PXDN: variants seen among roughly 807,000 people sequenced by gnomAD.
PXDN encodes the protein peroxidasin homolog.
PXDN carries 77 observed loss-of-function variants against 140.3 expected under a neutral mutation model. The ratio of observed to expected loss-of-function variants is 0.55; its 90% CI spans 0.46 to 0.66. PXDN has a LOEUF of 0.66. Ranked by LOEUF, PXDN falls within the 30% of genes least tolerant of loss-of-function variation. The pLI is 0.00. For missense variants in PXDN, 1,838 were observed against 2,039.5 expected, an observed-to-expected ratio of 0.90 and a Z score of 1.90; for synonymous variants, 911 against 857.4, an observed-to-expected ratio of 1.06 and a Z score of -1.09.
intron 1 of PXDN, among the ~76,000 whole-genome samples, chr2:1,722,997 G>C (rs1334756324): frequency 6.6e-6 from 1 of 152,220 alleles, no homozygotes; most frequent in Non-Finnish European, 1.5e-5. Context: ...TGGATGGATA[G>C]ATAGGTGGGT....
At chr2:1,673,919 G>A (rs1041035737) in intron 8 of PXDN, 107 bp from the exon 9 acceptor site, 14 of 1,230,424 alleles carry the variant, frequency 1.1e-5, no homozygotes, top group East Asian at 4.9e-5. Flanking sequence ...CAACTTGTGC[G>A]AGGAACAGCT....
At chr2:1,737,955 C>T (rs1685457289) in intron 1 of PXDN, among the ~76,000 whole-genome samples, 1 of 152,216 alleles carries the variant, frequency 6.6e-6, no homozygotes, top group African/African-American at 2.4e-5. Context: ...AAGAAGCATG[C>T]AGCCACCCAC....
rs11685976 is a variant in PXDN, at chr2:1,648,070, C to A, written c.3608+102G>T. On this transcript the variant is annotated intron_variant, in intron 17 of 22. Coordinates refer to ENST00000252804, the MANE Select transcript of PXDN (RefSeq NM_012293.3). This position sits in a 1 kb window ranked among gnomAD's most constrained non-coding sequence, Gnocchi z 8.9. Reference sequence around the variant, plus strand: ...ACCTTCATCTCACCTCTGCACGACACGAACAAAACTCACACACAGAGACAA... The same window carrying A: ...ACCTTCATCTCACCTCTGCACGACAAGAACAAAACTCACACACAGAGACAA... 420,072 of 1,451,476 alleles carry A rather than the reference C, an allele frequency of 0.29. 62,546 individuals are homozygous for A. Among genetic ancestry groups the A allele is most frequent in the Middle Eastern group, 0.34 (1,865 of 5,510 alleles). The allele number at this position is 1,451,476 out of a possible 1,614,324, so 89.9% of individuals were successfully genotyped here.
chr2:1,648,328 G>A lies in PXDN; in HGVS notation c.3452C>T (p.Ala1151Val). 1.2e-6 allele frequency: 2 copies of A among 1,613,856 alleles called. No homozygotes were observed. The highest frequency in any genetic ancestry group is 1.7e-6 in the Non-Finnish European group (2 of 1,179,904). ...GATGTTGATGGCCGCCAGGTCCAGA[G>A]CCACCGTGTGTGCCATGGAGAACAG... ...ERLFSMAHTV[A>V]LDLAAINIQR... Residue 1151 changes from alanine to valine, a missense_variant, in exon 17 of 23, where the codon GCT becomes GTT. Transcript: ENST00000252804. This position sits in a 1 kb window ranked among gnomAD's most constrained non-coding sequence, Gnocchi z 8.9.
rs373265335 is a variant in PXDN at position 1,649,395 on chromosome 2, C to T, written c.2385G>A (p.Pro795=). 1.7e-4 allele frequency: 269 copies of T among 1,613,854 alleles called. No homozygotes were observed. The African/African-American group carries it at 2.3e-3, about 14-fold the overall frequency. The part of the protein sequence containing the change: ...RLYNGHALPM[P]RLVSTTLIGT... Reference sequence around the variant, plus strand: ...CGATCAGGGTGGTGGACACCAGGCGCGGCATGGGAAGGGCGTGCCCGTTGT... The same window carrying T: ...CGATCAGGGTGGTGGACACCAGGCGTGGCATGGGAAGGGCGTGCCCGTTGT... Residue 795 remains proline (P), a synonymous_variant, in exon 17 of 23, where the codon CCG becomes CCA. Transcript: ENST00000252804. The surrounding 1 kb of genome is among the most constrained non-coding windows in gnomAD (Gnocchi z 7.1).
intron 1 of PXDN, among the ~76,000 whole-genome samples, chr2:1,700,947 T>C (rs545030002): frequency 1.3e-5 from 2 of 152,146 alleles, no homozygotes; most frequent in East Asian, 3.9e-4. Flanking sequence ...ATATGCAAAG[T>C]GCTTTACTGA....
chr2:1,729,429 C>T (rs564820096), intron 1 of PXDN, among the ~76,000 whole-genome samples: 111 of 152,266 alleles, frequency 7.3e-4, no homozygotes, highest in Non-Finnish European at 1.4e-3. Flanking sequence ...CACCACTGCT[C>T]AGCTACAGAG....
chr2:1,730,044 T>C (rs956982367), intron 1 of PXDN, among the ~76,000 whole-genome samples: 2 of 151,706 alleles, frequency 1.3e-5, no homozygotes, highest in African/African-American at 2.4e-5. Flanking sequence ...GACAGATAAA[T>C]ATTAACAGGT....
intron 9 of PXDN, among the ~76,000 whole-genome samples, chr2:1,671,788 G>T (rs1354222702): frequency 2.6e-5 from 4 of 152,062 alleles, no homozygotes. Context: ...TCTGTAAAGG[G>T]CCAGATTGGT....
chr2:1,727,240 C>G (rs1457081029), intron 1 of PXDN, among the ~76,000 whole-genome samples: 3 of 152,214 alleles, frequency 2.0e-5, no homozygotes, highest in African/African-American at 7.2e-5. Context: ...ACAGCCATCC[C>G]AAGTCCCTCC....
chr2:1,730,760 CA>C (rs1211554225), intron 1 of PXDN, among the ~76,000 whole-genome samples: 1 of 151,992 alleles, frequency 6.6e-6, no homozygotes, highest in Non-Finnish European at 1.5e-5. Context: ...AGGTCAAACC[CA>C]AATCTGTCCC....
chr2:1,743,069 T>C (rs2125499373), intron 1 of PXDN, among the ~76,000 whole-genome samples: 1 of 152,316 alleles, frequency 6.6e-6, no homozygotes, highest in South Asian at 2.1e-4. Context: ...AGTCGGCGCC[T>C]GAAACGCAGC....
chr2:1,716,461 A>C (rs1413516520), intron 1 of PXDN, among the ~76,000 whole-genome samples: 1 of 145,282 alleles, frequency 6.9e-6, no homozygotes, highest in South Asian at 2.1e-4. Context: ...AAAAAAAAAA[A>C]AAAAAAAAAC....
At position 1,634,306 on chromosome 2, in the gene PXDN, G is replaced by C; in HGVS notation, c.4338C>G (p.Cys1446Trp). 1.9e-6 allele frequency: 3 copies of C among 1,595,200 alleles called. No individual in the cohort carries two copies. Among genetic ancestry groups the C allele is most frequent in the Non-Finnish European group, 2.6e-6 (3 of 1,170,756 alleles). Residue 1446 changes from cysteine (C) to tryptophan (W), a missense_variant, in exon 23 of 23, where the codon TGC (cysteine) becomes TGG (tryptophan). Around this residue, in one of 5 missense-constraint regions of PXDN, gnomAD observed 850 missense variants for 894.1 expected, o/e 0.95. Coordinates refer to ENST00000252804, the MANE Select transcript of PXDN (RefSeq NM_012293.3). Reference sequence around the variant, plus strand: ...TGGCAGGGGGGCAAGCTTCCACGAAGCAGGTGACCTGCCCGTCCTGGAGAA... The same window carrying C: ...TGGCAGGGGGGCAAGCTTCCACGAACCAGGTGACCTGCCCGTCCTGGAGAA... The part of the protein sequence containing the change: ...ICECKDGQVT[C>W]FVEACPPATC...
chr2:1,740,388 G>GCGA (rs1269414695), intron 1 of PXDN, among the ~76,000 whole-genome samples: 5 of 152,238 alleles, frequency 3.3e-5, no homozygotes, highest in African/African-American at 1.2e-4. Context: ...ACTCACTCAG[G>GCGA]CGACGCAGTC....
Position 1,633,876 on chromosome 2 carries a change from T to C in PXDN, c.*328A>G, listed in dbSNP as rs1054241. ...AAAGAAATGGTGTTGGGAGGCAAAATCAATTTAGGCGCCTAAATGATTCAA... is the reference window on the plus strand; with the variant it reads ...AAAGAAATGGTGTTGGGAGGCAAAACCAATTTAGGCGCCTAAATGATTCAA... On this transcript the variant is annotated 3_prime_UTR_variant, in exon 23 of 23. Coordinates refer to ENST00000252804, the MANE Select transcript of PXDN (RefSeq NM_012293.3). The C allele has an allele frequency of 0.52, 102,521 of 195,932 alleles. 28,312 individuals are homozygous for C. Among genetic ancestry groups the C allele is most frequent in the Middle Eastern group, 0.66 (323 of 490 alleles). 12.1% of individuals were successfully genotyped at this position (195,932 alleles called of 1,614,324 possible). A position where few individuals can be genotyped will look rare whatever the true frequency, so the allele number is the denominator to read the frequency against.
chr2:1,738,793 C>T (rs1164986965), intron 1 of PXDN, among the ~76,000 whole-genome samples: 1 of 152,166 alleles, frequency 6.6e-6, no homozygotes, highest in East Asian at 1.9e-4. Flanking sequence ...GCAATCTGCC[C>T]GCCTTGGCCT....
At chr2:1,664,120 C>T (rs1475724131) in intron 11 of PXDN, 1 of 214,552 alleles carries the variant, frequency 4.7e-6, no homozygotes, top group African/African-American at 2.3e-5. Context: ...CAAGCGAGGC[C>T]CCAGCAAGTT....
At position 1,743,714 on chromosome 2, in the gene PXDN, AGG is replaced by A. The variant is rs376036616; in HGVS notation, c.200+540_200+541del. On this transcript the variant is annotated intron_variant, in intron 1 of 22. Coordinates refer to ENST00000252804, the MANE Select transcript of PXDN (RefSeq NM_012293.3). ...GAGGAGGAGGAAGGGGAGGAGGAGGAGGAAGGGGAGGAGGAAGAGGAGCGGAG... is the reference window on the plus strand; with the variant it reads ...GAGGAGGAGGAAGGGGAGGAGGAGGAAAGGGGAGGAGGAAGAGGAGCGGAG... 5.1e-4 allele frequency among the ~76,000 whole-genome samples: 19 copies of A among 37,308 alleles called. 1 individual carries two copies. Among genetic ancestry groups the A allele is most frequent in the Admixed American group, 7.5e-4 (3 of 3,976 alleles). The allele number at this position is 37,308 out of a possible 152,430, so 24.5% of individuals were successfully genotyped here.
Sources: gnomAD v4.1 joint callset for allele counts (sites outside exome capture counted in the v4.1 genomes callset) on GRCh38, gnomAD v4.1.1 for gene constraint, gnomAD v4.1.1 regional missense constraint, Gnocchi (gnomAD v3.1) non-coding constraint, MANE v1.5 for transcripts, NCBI Gene and HGNC (gene_info 2026-07-23, HGNC 2026-07-21) for gene names.